Variants in MACROH2A1 observed in about 807,000 individuals in gnomAD.
MACROH2A1 encodes the protein core histone macro-H2A.1.
A neutral mutation model predicts 31.6 loss-of-function variants in MACROH2A1; 2 were observed. The observed-to-expected ratio is 0.06, with a 90% CI of 0.03 to 0.20. The LOEUF (loss-of-function observed/expected upper bound fraction) is 0.20. Ranked by LOEUF, MACROH2A1 falls within the 10% of genes least tolerant of loss-of-function variation. The probability of loss-of-function intolerance (pLI) is 1.00; values close to 1 mark genes in which losing one functional copy is unlikely to be tolerated. For missense variants in MACROH2A1, 230 were observed against 474.0 expected, an observed-to-expected ratio of 0.49 and a Z score of 4.78; for synonymous variants, 169 against 189.6, an observed-to-expected ratio of 0.89 and a Z score of 0.89.
intron 8 of MACROH2A1, among the ~76,000 whole-genome samples, chr5:135,336,329 C>T (rs1758648072): frequency 6.6e-6 from 1 of 152,250 alleles, no homozygotes; most frequent in Non-Finnish European, 1.5e-5. Flanking sequence ...GGGAAACCCT[C>T]TTGTGACTTG....
chr5:135,393,933 G>C lies in MACROH2A1; in HGVS notation c.-33-4807C>G, dbSNP rs115315401. Among the ~76,000 whole-genome samples the C allele has an allele frequency of 3.7e-3, 567 of 152,330 alleles. 4 individuals are homozygous for C. The highest frequency in any genetic ancestry group is 0.013 in the African/African-American group (532 of 41,570). On this transcript the variant is annotated intron_variant, in intron 1 of 8. Coordinates refer to ENST00000511689, the MANE Select transcript of MACROH2A1 (RefSeq NM_138610.3). ...AGGAGCTGGATGGAGAGATGAGTCA[G>C]GCTACAGTGAGAAGCAACAGAGTCT...
intron 8 of MACROH2A1, among the ~76,000 whole-genome samples, chr5:135,335,533 G>A (rs1282573895): frequency 6.6e-6 from 1 of 152,166 alleles, no homozygotes; most frequent in African/African-American, 2.4e-5. Flanking sequence ...AGCCCCAGGG[G>A]ATGGCTGCAG....
intron 8 of MACROH2A1, among the ~76,000 whole-genome samples, chr5:135,338,748 G>A (rs1436207297): frequency 6.7e-6 from 1 of 149,954 alleles, no homozygotes; most frequent in African/African-American, 2.5e-5. Context: ...TGCCTGGCCT[G>A]GCCTCTGTGC....
In MACROH2A1 at chr5:135,375,540, G is replaced by A. The variant is rs550825925; in HGVS notation, c.173-5398C>T. On this transcript the variant is annotated intron_variant, in intron 2 of 8. Coordinates refer to ENST00000511689, the MANE Select transcript of MACROH2A1 (RefSeq NM_138610.3). Reference sequence around the variant, plus strand: ...CATTTTGTCTATCTTCCTTCAGCAAGATGAAGTCATGGTTTGCAGAATTAG... The same window carrying A: ...CATTTTGTCTATCTTCCTTCAGCAAAATGAAGTCATGGTTTGCAGAATTAG... 2.0e-5 allele frequency among the ~76,000 whole-genome samples: 3 copies of A among 152,306 alleles called. No homozygotes were observed. The South Asian group carries it at 6.2e-4, about 32-fold the overall frequency.
intron 5 of MACROH2A1, chr5:135,354,849 C>G (rs1761980743): frequency 9.2e-5 from 32 of 348,910 alleles, no homozygotes; most frequent in South Asian, 7.1e-4. Flanking sequence ...GCCAATACTC[C>G]CCACCACACA....
intron 1 of MACROH2A1, among the ~76,000 whole-genome samples, chr5:135,395,729 C>A (rs1276350164): frequency 6.6e-6 from 1 of 152,186 alleles, no homozygotes; most frequent in Non-Finnish European, 1.5e-5. Flanking sequence ...AAGCTGCACT[C>A]TGATTGGCTT....
At position 135,369,223 on chromosome 5, in the gene MACROH2A1, T is replaced by A. The variant is rs1439888680; in HGVS notation, c.477+183A>T. 1 of 674,744 alleles carries A rather than the reference T, an allele frequency of 1.5e-6. No homozygotes were observed. Among genetic ancestry groups the A allele is most frequent in the African/African-American group, 1.8e-5 (1 of 55,892 alleles). 41.8% of individuals were successfully genotyped at this position (674,744 alleles called of 1,614,324 possible). On this transcript the variant is annotated intron_variant, in intron 4 of 8. Transcript: ENST00000511689. The surrounding 1 kb of genome is among the most constrained non-coding windows in gnomAD (Gnocchi z 4.3). ...ACTGGGTCCAGACTCTGGGAGGGCC[T>A]CCTGACTCTGGCTACTTGTGTTGGA...
chr5:135,357,836 C>T (rs1046319716), intron 5 of MACROH2A1: 7 of 984,810 alleles, frequency 7.1e-6, no homozygotes, highest in Admixed American at 1.2e-4. Flanking sequence ...ATGTGAAATA[C>T]ATCATTAACA....
intron 2 of MACROH2A1, among the ~76,000 whole-genome samples, chr5:135,380,189 A>G (rs1185127042): frequency 1.3e-5 from 2 of 152,048 alleles, no homozygotes; most frequent in African/African-American, 4.8e-5. Flanking sequence ...TTTACCATGT[A>G]GCTGCGGAAT....
intron 6 of MACROH2A1, among the ~76,000 whole-genome samples, chr5:135,349,719 G>C (rs1761284561): frequency 3.3e-5 from 5 of 152,170 alleles, no homozygotes; most frequent in Admixed American, 3.3e-4. Context: ...TTGGAAGCTG[G>C]TATTTGAATC....
chr5:135,354,958 G>C (rs977669657), intron 5 of MACROH2A1: 2 of 407,994 alleles, frequency 4.9e-6, no homozygotes, highest in African/African-American at 4.1e-5. Context: ...TAATGTGGAT[G>C]TGTATGCTTT....
chr5:135,377,505 C>T (rs189706662), intron 2 of MACROH2A1, among the ~76,000 whole-genome samples: 36 of 152,290 alleles, frequency 2.4e-4, no homozygotes, highest in African/African-American at 8.4e-4. Context: ...GGACTCAAAG[C>T]GAAAGAGCGA....
At chr5:135,399,758 C>T (rs1296386291), upstream of MACROH2A1, 1 of 152,310 alleles carries the variant, frequency 6.6e-6, no homozygotes, top group African/African-American at 2.4e-5. This position sits in a 1 kb window ranked among gnomAD's most constrained non-coding sequence, Gnocchi z 4.5. Context: ...CCCGGTTCCC[C>T]TGGGGTCCTT....
intron 4 of MACROH2A1, chr5:135,363,015 C>A (rs1000435093): frequency 7.9e-5 from 12 of 152,054 alleles, no homozygotes; most frequent in Admixed American, 2.6e-4. Context: ...GGTCCTGGCT[C>A]CCCCAACAGC....
chr5:135,338,610 A>C (rs937168948), intron 8 of MACROH2A1, among the ~76,000 whole-genome samples: 5 of 152,250 alleles, frequency 3.3e-5, no homozygotes, highest in Non-Finnish European at 7.3e-5. Context: ...CAGGGGCTAC[A>C]TAGAGGCTCC....
At chr5:135,365,296 G>T (rs1315107561) in intron 4 of MACROH2A1, among the ~76,000 whole-genome samples, 1 of 152,114 alleles carries the variant, frequency 6.6e-6, no homozygotes, top group East Asian at 1.9e-4. Context: ...TCTTAAGAGG[G>T]GCCAGGCATG....
chr5:135,350,727 G>T, intron 6 of MACROH2A1: 1 of 732,270 alleles, frequency 1.4e-6, no homozygotes, highest in South Asian at 1.6e-5. Flanking sequence ...AGTGTGAAAT[G>T]AATGCAGCCC....
chr5:135,384,240 G>A (rs1023067110), intron 2 of MACROH2A1, among the ~76,000 whole-genome samples: 3 of 152,194 alleles, frequency 2.0e-5, no homozygotes, highest in African/African-American at 7.2e-5. Flanking sequence ...AGGAGATGGA[G>A]GCAGGGATGG....
chr5:135,350,392 G>A (rs1761374119), intron 6 of MACROH2A1, among the ~76,000 whole-genome samples: 1 of 152,120 alleles, frequency 6.6e-6, no homozygotes, highest in Non-Finnish European at 1.5e-5. Flanking sequence ...AGACAGATTG[G>A]CGGGGGTCAG....
Sources: gnomAD v4.1 joint callset for allele counts (sites outside exome capture counted in the v4.1 genomes callset) on GRCh38, gnomAD v4.1.1 for gene constraint, Gnocchi (gnomAD v3.1) non-coding constraint, MANE v1.5 for transcripts, NCBI Gene and HGNC (gene_info 2026-07-23, HGNC 2026-07-21) for gene names.